The following KCNU1 variants were observed in gnomAD, a reference collection of about 807,000 sequenced individuals.
KCNU1 encodes the protein potassium calcium-activated channel subfamily U member 1, also known as potassium channel subfamily U member 1.
In KCNU1, 93 loss-of-function variants were observed where a neutral mutation model predicts 126.8. That is an observed-to-expected ratio of 0.73 (90% CI 0.62 to 0.87). The LOEUF (loss-of-function observed/expected upper bound fraction) is 0.87, where lower values mean the gene tolerates loss of function less well. KCNU1 is among the 40% of genes least tolerant of loss of function. KCNU1 has a pLI of 0.00. For synonymous variants in KCNU1, 523 were observed against 494.2 expected (o/e 1.06, Z -0.77); for missense variants, 1,330 against 1,367.1 (o/e 0.97, Z 0.43).
At chr8:36,933,591 T>C (rs1808768424) in intron 26 of KCNU1, among the ~76,000 whole-genome samples, 1 of 151,818 alleles carries the variant, frequency 6.6e-6, no homozygotes, top group Admixed American at 6.6e-5. Context: ...GACAACACAA[T>C]TGTGTATGCC....
At chr8:36,903,546 G>T (rs1420085369) in intron 19 of KCNU1, among the ~76,000 whole-genome samples, 2 of 152,120 alleles carry the variant, frequency 1.3e-5, no homozygotes, top group Non-Finnish European at 2.9e-5. Context: ...AAGTAAGTGT[G>T]TAAGTAAATA....
At chr8:36,933,122 T>A in intron 26 of KCNU1, 90 bp downstream of exon 26, 1 of 809,508 alleles carries the variant, frequency 1.2e-6, no homozygotes, top group Non-Finnish European at 2.1e-6. Flanking sequence ...ATTCCAGAGC[T>A]CAGGGTCCAC....
In KCNU1 at chr8:36,834,887, T is replaced by C; in HGVS notation, c.1295+19T>C. 1 of 1,516,078 alleles carries C rather than the reference T, an allele frequency of 6.6e-7. No individual in the cohort carries two copies. The highest frequency in any genetic ancestry group is 9.1e-7 in the Non-Finnish European group (1 of 1,094,844). 93.9% of individuals were successfully genotyped at this position (1,516,078 alleles called of 1,614,324 possible). On this transcript the variant is annotated intron_variant, in intron 12 of 26. Transcript: ENST00000399881. The stretch of plus-strand genomic sequence containing the variant: ...TTATGAGGTAAGAAGCTGTGTTTTG[T>C]ATGCTATAACGATTATTTTTTTCTA...
At chr8:36,879,500 C>A (rs376765804) in intron 19 of KCNU1, among the ~76,000 whole-genome samples, 3 of 151,550 alleles carry the variant, frequency 2.0e-5, no homozygotes, top group African/African-American at 4.9e-5. Flanking sequence ...TTGTTGAGTG[C>A]CTTTGATATG....
At chr8:36,926,644 T>G (rs1197233314) in intron 24 of KCNU1, among the ~76,000 whole-genome samples, 1 of 152,268 alleles carries the variant, frequency 6.6e-6, no homozygotes, top group South Asian at 2.1e-4. Context: ...AGAAGTCTGG[T>G]GCGGGAGGCA....
At chr8:36,917,401 G>A (rs1008910311) in intron 22 of KCNU1, among the ~76,000 whole-genome samples, 3 of 150,382 alleles carry the variant, frequency 2.0e-5, no homozygotes, top group African/African-American at 7.4e-5. Context: ...CCAAGTTGGA[G>A]TGCAATAGCG....
chr8:36,892,145 T>C (rs557197966), intron 19 of KCNU1, among the ~76,000 whole-genome samples: 4 of 152,190 alleles, frequency 2.6e-5, no homozygotes, highest in African/African-American at 9.6e-5. Context: ...TGTATATTTC[T>C]TCAATAGGTT....
At chr8:36,905,542 T>G (rs1807590226) in intron 19 of KCNU1, among the ~76,000 whole-genome samples, 166 bp from the exon 20 acceptor site, 1 of 152,162 alleles carries the variant, frequency 6.6e-6, no homozygotes, top group Admixed American at 6.6e-5. Flanking sequence ...GGGCTCTTTG[T>G]GCTCTTCAGA....
chr8:36,791,823 G>A (rs1001373647), intron 2 of KCNU1, among the ~76,000 whole-genome samples: 1 of 152,094 alleles, frequency 6.6e-6, no homozygotes, highest in South Asian at 2.1e-4. Flanking sequence ...TATATGCATT[G>A]TTTATGTGAA....
At chr8:36,845,555 C>T in intron 16 of KCNU1, 25 bp from the exon 17 acceptor site, 4 of 1,365,230 alleles carry the variant, frequency 2.9e-6, no homozygotes, top group Non-Finnish European at 4.2e-6. Context: ...GGAAACATTA[C>T]CATGTGTTTA....
intron 7 of KCNU1, among the ~76,000 whole-genome samples, 172 bp from the exon 8 acceptor site, chr8:36,814,035 C>T (rs138869153): frequency 2.3e-4 from 35 of 152,260 alleles, no homozygotes; most frequent in African/African-American, 8.2e-4. Context: ...CACTCACTAC[C>T]CATGATTTAC....
chr8:36,827,209 C>G lies in KCNU1; in HGVS notation c.1107-6345C>G, dbSNP rs576590370. Among the ~76,000 whole-genome samples, 6 of 152,314 alleles carry G rather than the reference C, an allele frequency of 3.9e-5. No individual in the cohort carries two copies. In the South Asian group the frequency reaches 1.0e-3, roughly 26 times the overall value. On this transcript the variant is annotated intron_variant, in intron 10 of 26. Transcript: ENST00000399881. Reference sequence around the variant, plus strand: ...CACTTCTGCCTCAGGACCATCTAATCCAAGCTCAATGCTTGAAACTCTCTG... The same window carrying G: ...CACTTCTGCCTCAGGACCATCTAATGCAAGCTCAATGCTTGAAACTCTCTG...
intron 9 of KCNU1, among the ~76,000 whole-genome samples, chr8:36,816,427 A>C (rs923215157): frequency 6.6e-6 from 1 of 152,364 alleles, no homozygotes; most frequent in Admixed American, 6.5e-5. Context: ...TGAAAGAGGC[A>C]TAATGGAGAT....
At chr8:36,873,921 C>T (rs1806192938) in intron 19 of KCNU1, among the ~76,000 whole-genome samples, 1 of 151,936 alleles carries the variant, frequency 6.6e-6, no homozygotes, top group Non-Finnish European at 1.5e-5. Flanking sequence ...ACAACAACAA[C>T]AGGAGAAAAA....
At chr8:36,913,138 A>G (rs976674650) in intron 22 of KCNU1, among the ~76,000 whole-genome samples, 3 of 151,878 alleles carry the variant, frequency 2.0e-5, no homozygotes, top group African/African-American at 7.3e-5. Flanking sequence ...CAAAACGTAA[A>G]CCTATGATTA....
At chr8:36,908,233 T>C (rs1217664471) in intron 20 of KCNU1, among the ~76,000 whole-genome samples, 2 of 152,220 alleles carry the variant, frequency 1.3e-5, no homozygotes, top group Non-Finnish European at 2.9e-5. Context: ...ATTGTTTTTA[T>C]GAGTCTCTAT....
chr8:36,888,371 T>C (rs1180589624), intron 19 of KCNU1: 1 of 355,418 alleles, frequency 2.8e-6, no homozygotes, highest in Admixed American at 3.9e-5. Flanking sequence ...GGAGAGTAGC[T>C]TTTCCTGCCA....
chr8:36,915,996 AAAG>A (rs1462933490), intron 22 of KCNU1, among the ~76,000 whole-genome samples: 1 of 151,888 alleles, frequency 6.6e-6, no homozygotes, highest in Non-Finnish European at 1.5e-5. Flanking sequence ...GGAAGGAAGA[AAAG>A]AAAGAATGGA....
chr8:36,842,915 C>T (rs181122587), intron 16 of KCNU1, among the ~76,000 whole-genome samples: 13 of 152,268 alleles, frequency 8.5e-5, no homozygotes, highest in Admixed American at 8.5e-4. Flanking sequence ...CCACCCACCT[C>T]GGCTTCCCAA....
Sources: gnomAD v4.1 joint callset for allele counts (sites outside exome capture counted in the v4.1 genomes callset) on GRCh38, gnomAD v4.1.1 for gene constraint, MANE v1.5 for transcripts, NCBI Gene and HGNC (gene_info 2026-07-23, HGNC 2026-07-21) for gene names.